The following KCTD8 variants were observed in gnomAD, a reference collection of about 807,000 sequenced individuals.
The protein encoded by KCTD8 is potassium channel tetramerization domain containing 8, also known as BTB/POZ domain-containing protein KCTD8.
KCTD8 carries 27 observed loss-of-function variants against 31.5 expected under a neutral mutation model. The ratio of observed to expected loss-of-function variants is 0.86; its 90% CI spans 0.63 to 1.18. The LOEUF is 1.18. KCTD8 is among the 50% of genes most tolerant of loss of function. The pLI is 0.00. For missense variants in KCTD8, 658 were observed against 647.7 expected, an observed-to-expected ratio of 1.02 and a Z score of -0.17; for synonymous variants, 290 against 280.0, an observed-to-expected ratio of 1.04 and a Z score of -0.36.
chr4:44,212,797 A>G (rs1714530059), intron 1 of KCTD8, among the ~76,000 whole-genome samples: 1 of 152,176 alleles, frequency 6.6e-6, no homozygotes, highest in Non-Finnish European at 1.5e-5. Context: ...AAGTCTATAA[A>G]TTGTAGCTGG....
chr4:44,436,337 C>A (rs1280059346), intron 1 of KCTD8, among the ~76,000 whole-genome samples: 1 of 151,986 alleles, frequency 6.6e-6, no homozygotes, highest in African/African-American at 2.4e-5. Flanking sequence ...CTCAACAAGA[C>A]CTCCTTCTGT....
chr4:44,442,922 T>C (rs1324896724), intron 1 of KCTD8, among the ~76,000 whole-genome samples: 2 of 152,078 alleles, frequency 1.3e-5, no homozygotes, highest in Non-Finnish European at 2.9e-5. Context: ...CTGAAAAAGG[T>C]GGCAGGGAAA....
rs1387786455 is a variant in KCTD8, at chr4:44,448,606, C to A, written c.-83G>T. On this transcript the variant is annotated 5_prime_UTR_variant, in exon 1 of 2. Transcript: ENST00000360029. The surrounding 1 kb of genome is among the most constrained non-coding windows in gnomAD (Gnocchi z 4.1). The stretch of plus-strand genomic sequence containing the variant: ...CCCGCGCCCCAGCCCTCCGCGTGCT[C>A]CTGGCGCTCTGCGCCCTCGGACTGG... 1.5e-6 allele frequency: 2 copies of A among 1,327,292 alleles called. No homozygotes were observed. Among genetic ancestry groups the A allele is most frequent in the Non-Finnish European group, 1.9e-6 (2 of 1,038,704 alleles). 82.2% of individuals were successfully genotyped at this position (1,327,292 alleles called of 1,614,324 possible). A position where few individuals can be genotyped will look rare whatever the true frequency, so the allele number is the denominator to read the frequency against.
chr4:44,388,892 C>T (rs1231296557), intron 1 of KCTD8, among the ~76,000 whole-genome samples: 2 of 149,250 alleles, frequency 1.3e-5, no homozygotes, highest in East Asian at 1.9e-4. Context: ...AAACTCCCCA[C>T]CAAAAAAAGA....
chr4:44,231,313 T>C lies in KCTD8; in HGVS notation c.962-56063A>G, dbSNP rs535845568. On this transcript the variant is annotated intron_variant, in intron 1 of 1. Transcript: ENST00000360029. The stretch of plus-strand genomic sequence containing the variant: ...CTATAACACATTAAGTGGATATTTA[T>C]GGAAAATCAATTCAGAATGCTATAA... Among the ~76,000 whole-genome samples the C allele has an allele frequency of 1.4e-4, 22 of 152,262 alleles. No individual in the cohort carries two copies. In the South Asian group the frequency reaches 4.4e-3, roughly 30 times the overall value.
chr4:44,447,142 C>T (rs1452709973), intron 1 of KCTD8, among the ~76,000 whole-genome samples: 2 of 152,220 alleles, frequency 1.3e-5, no homozygotes, highest in Non-Finnish European at 2.9e-5. Flanking sequence ...GCAGGGACAC[C>T]ACTGAGGGCC....
chr4:44,285,182 T>C (rs1322242437), intron 1 of KCTD8, among the ~76,000 whole-genome samples: 1 of 152,184 alleles, frequency 6.6e-6, no homozygotes, highest in East Asian at 1.9e-4. Flanking sequence ...CATATGTGTA[T>C]TGCAGCTTTA....
At chr4:44,447,099 G>C (rs1721961242) in intron 1 of KCTD8, among the ~76,000 whole-genome samples, 2 of 152,208 alleles carry the variant, frequency 1.3e-5, no homozygotes, top group African/African-American at 4.8e-5. Context: ...CAGGTGGTGC[G>C]AGGCGATGCC....
chr4:44,245,897 T>C (rs1356038826), intron 1 of KCTD8, among the ~76,000 whole-genome samples: 2 of 152,056 alleles, frequency 1.3e-5, no homozygotes, highest in Non-Finnish European at 2.9e-5. Flanking sequence ...ATATACCACC[T>C]GTATAATACT....
chr4:44,343,397 G>A (rs976871223), intron 1 of KCTD8, among the ~76,000 whole-genome samples: 10 of 152,142 alleles, frequency 6.6e-5, no homozygotes, highest in Admixed American at 5.2e-4. Flanking sequence ...CACAGCTCAT[G>A]GTGCCCCAAA....
intron 1 of KCTD8, among the ~76,000 whole-genome samples, chr4:44,306,753 G>A (rs1681938858): frequency 6.6e-6 from 1 of 151,832 alleles, no homozygotes; most frequent in Admixed American, 6.6e-5. Flanking sequence ...ACAGAACTAA[G>A]GAAGGTAAAA....
intron 1 of KCTD8, among the ~76,000 whole-genome samples, chr4:44,388,812 T>C (rs1720292637): frequency 6.6e-6 from 1 of 151,782 alleles, no homozygotes; most frequent in African/African-American, 2.4e-5. Flanking sequence ...GACAAAAGTT[T>C]ACCTATGTAA....
At chr4:44,251,653 A>T (rs1715837636) in intron 1 of KCTD8, among the ~76,000 whole-genome samples, 1 of 151,386 alleles carries the variant, frequency 6.6e-6, no homozygotes, top group Admixed American at 6.6e-5. Context: ...TTTTATGTTA[A>T]TAGGGTTCCT....
intron 1 of KCTD8, among the ~76,000 whole-genome samples, chr4:44,436,319 T>A (rs1196263259): frequency 6.6e-6 from 1 of 152,058 alleles, no homozygotes; most frequent in Non-Finnish European, 1.5e-5. Context: ...ACAGGGGACA[T>A]TAATCAGCTC....
chr4:44,230,334 C>A (rs920819986), intron 1 of KCTD8, among the ~76,000 whole-genome samples: 7 of 152,116 alleles, frequency 4.6e-5, no homozygotes, highest in Non-Finnish European at 7.4e-5. Flanking sequence ...TACTATATAG[C>A]TAAAGAAACT....
At chr4:44,412,315 C>T (rs762026610) in intron 1 of KCTD8, among the ~76,000 whole-genome samples, 10 of 152,106 alleles carry the variant, frequency 6.6e-5, no homozygotes, top group Non-Finnish European at 1.2e-4. Flanking sequence ...AAGAAGTATG[C>T]GTAAATATTA....
intron 1 of KCTD8, among the ~76,000 whole-genome samples, chr4:44,424,049 A>G (rs1721286542): frequency 6.6e-6 from 1 of 152,100 alleles, no homozygotes; most frequent in South Asian, 2.1e-4. Context: ...GTCTAACACT[A>G]TCCATCTTTA....
intron 1 of KCTD8, among the ~76,000 whole-genome samples, chr4:44,190,962 G>C (rs1395795244): frequency 6.6e-6 from 1 of 152,204 alleles, no homozygotes; most frequent in Non-Finnish European, 1.5e-5. Context: ...CAAGTTGAGT[G>C]ATGTGCTGTT....
In KCTD8 at chr4:44,179,862, A is replaced by T. The variant is rs141177210; in HGVS notation, c.962-4612T>A. 2.6e-3 allele frequency among the ~76,000 whole-genome samples: 397 copies of T among 152,284 alleles called. 1 individual carries two copies. The highest frequency in any genetic ancestry group is 8.9e-3 in the African/African-American group (369 of 41,570). On this transcript the variant is annotated intron_variant, in intron 1 of 1. Coordinates refer to ENST00000360029, the MANE Select transcript of KCTD8 (RefSeq NM_198353.3). The stretch of plus-strand genomic sequence containing the variant: ...TAAACTGATTTAGCTGCTTTTTATG[A>T]CATGAAATTGAGAAAAATTAATTAG...
Sources: allele counts gnomAD v4.1 joint callset (sites outside exome capture counted in the v4.1 genomes callset), GRCh38; gene constraint gnomAD v4.1.1; non-coding constraint Gnocchi (gnomAD v3.1); transcripts MANE v1.5; gene names NCBI Gene and HGNC (gene_info 2026-07-23, HGNC 2026-07-21).